ACP6: variants seen among roughly 807,000 people sequenced by gnomAD.
ACP6 encodes acid phosphatase 6, lysophosphatidic.
Under a neutral mutation model 48.1 loss-of-function variants are expected in ACP6, and 48 were observed. The ratio of observed to expected loss-of-function variants is 1.00; its 90% CI spans 0.79 to 1.27. The LOEUF is 1.27. Ranked by LOEUF, ACP6 falls within the 50% of genes most tolerant of loss-of-function variation. The probability of loss-of-function intolerance (pLI) is 0.00; values close to 1 mark genes in which losing one functional copy is unlikely to be tolerated. For missense variants in ACP6, 485 were observed against 529.1 expected, an observed-to-expected ratio of 0.92 and a Z score of 0.82; for synonymous variants, 172 against 204.2, an observed-to-expected ratio of 0.84 and a Z score of 1.34.
At chr1:147,651,928 T>C (rs772141334) in intron 7 of ACP6, 89 of 152,476 alleles carry the variant, frequency 5.8e-4, no homozygotes, top group Non-Finnish European at 1.1e-3. Context: ...CTGCTAGTAA[T>C]ATAGCGAAAA....
intron 1 of ACP6, among the ~76,000 whole-genome samples, chr1:147,667,157 G>T (rs1660836938): frequency 6.6e-6 from 1 of 152,016 alleles, no homozygotes; most frequent in African/African-American, 2.4e-5. Context: ...CAATCTTTTA[G>T]CAAAACAGGT....
intron 5 of ACP6, 70 bp downstream of exon 5, chr1:147,655,091 A>G (rs1553211346): frequency 1.5e-6 from 2 of 1,318,400 alleles, no homozygotes; most frequent in Non-Finnish European, 2.1e-6. Flanking sequence ...CTCAGTATAG[A>G]CAGAGTTCTG....
At chr1:147,656,082 A>G (rs1660243714) in intron 4 of ACP6, among the ~76,000 whole-genome samples, 1 of 152,168 alleles carries the variant, frequency 6.6e-6, no homozygotes, top group African/African-American at 2.4e-5. Flanking sequence ...CCAAAGGGGT[A>G]TTTATTCCCA....
At chr1:147,630,853 G>A (rs1321512812) in exon 6 of ACP6, 1 of 152,124 alleles carries the variant, frequency 6.6e-6, no homozygotes, top group African/African-American at 2.4e-5. Flanking sequence ...GTGAGTAGTC[G>A]AGCTATTGAA....
At chr1:147,647,617 C>T (rs782216548) in intron 9 of ACP6, 51 bp from the exon 10 acceptor site, 2 of 1,577,958 alleles carry the variant, frequency 1.3e-6, no homozygotes, top group East Asian at 4.5e-5. Context: ...TGTCCTTCTG[C>T]TATTTCCAGC....
downstream of ACP6, among the ~76,000 whole-genome samples, chr1:147,640,984 C>T (rs1358547158): frequency 6.6e-6 from 1 of 152,088 alleles, no homozygotes; most frequent in African/African-American, 2.4e-5. Context: ...ATTCCCCACC[C>T]AGCAGAAGAG....
chr1:147,667,728 C>G (rs1488807947), intron 1 of ACP6, among the ~76,000 whole-genome samples: 1 of 152,068 alleles, frequency 6.6e-6, no homozygotes, highest in Non-Finnish European at 1.5e-5. Context: ...TGCTGGCTCA[C>G]GCCTGTAATC....
chr1:147,648,048 G>T, intron 9 of ACP6, 198 bp downstream of exon 9: 1 of 617,100 alleles, frequency 1.6e-6, no homozygotes. Context: ...TAAGGCTCAA[G>T]CCCCATCCTG....
chr1:147,641,923 A>C (rs1385053581), downstream of ACP6, among the ~76,000 whole-genome samples: 1 of 152,180 alleles, frequency 6.6e-6, no homozygotes, highest in Non-Finnish European at 1.5e-5. Flanking sequence ...TGCGAAACCT[A>C]CCACAGTTAA....
rs140072353 is a variant in ACP6, at chr1:147,649,828, A to G, written c.977+315T>C. 827 of 378,592 alleles carry G rather than the reference A, an allele frequency of 2.2e-3. 8 individuals are homozygous for G. The highest frequency in any genetic ancestry group is 0.017 in the African/African-American group (770 of 46,388). The allele number at this position is 378,592 out of a possible 1,614,324, so 23.5% of individuals were successfully genotyped here. ...TTCAAACTACACAATCCATTAAGCA[A>G]TTTATCTTTGTTTTGGACTATTATC... On this transcript the variant is annotated intron_variant, in intron 8 of 9. Coordinates refer to ENST00000583509, the MANE Select transcript of ACP6 (RefSeq NM_016361.5).
chr1:147,664,998 G>A, intron 1 of ACP6, among the ~76,000 whole-genome samples: 1 of 152,214 alleles, frequency 6.6e-6, no homozygotes, highest in South Asian at 2.1e-4. Flanking sequence ...AGCAGAGATG[G>A]TAAAGAATGT....
rs587721697 is a variant in ACP6, at chr1:147,669,612, T to C, written c.219+218A>G. 2.3e-3 allele frequency among the ~76,000 whole-genome samples: 348 copies of C among 152,362 alleles called. 1 individual carries two copies. The highest frequency in any genetic ancestry group is 6.5e-3 in the Admixed American group (100 of 15,306). The stretch of plus-strand genomic sequence containing the variant: ...GCAGCGCTTACTGATGGCTGCGCCA[T>C]CAGGGCAAAACTGGAAGTTCCGGGG... On this transcript the variant is annotated intron_variant, in intron 1 of 9. Transcript: ENST00000583509.
chr1:147,641,084 C>T (rs1269314360), downstream of ACP6, among the ~76,000 whole-genome samples: 1 of 152,150 alleles, frequency 6.6e-6, no homozygotes, highest in African/African-American at 2.4e-5. Context: ...GGGTAGGTGC[C>T]CTTAGCCCAC....
intron 4 of ACP6, 83 bp downstream of exon 4, chr1:147,658,877 G>T: frequency 7.6e-7 from 1 of 1,311,948 alleles, no homozygotes; most frequent in Non-Finnish European, 1.1e-6. Context: ...AAGGGAACAG[G>T]CACCAAGAAA....
At chr1:147,664,321 C>T (rs1660693965) in intron 1 of ACP6, among the ~76,000 whole-genome samples, 1 of 152,210 alleles carries the variant, frequency 6.6e-6, no homozygotes, top group African/African-American at 2.4e-5. Flanking sequence ...CTTCCCTATT[C>T]TACATACTTA....
intron 1 of ACP6, 116 bp from the exon 2 acceptor site, chr1:147,659,891 C>A: frequency 8.0e-7 from 1 of 1,256,432 alleles, no homozygotes; most frequent in Non-Finnish European, 1.1e-6. Flanking sequence ...AGGCCTGCAA[C>A]CTTCCTATGG....
chr1:147,666,878 G>C (rs1457732679), intron 1 of ACP6, among the ~76,000 whole-genome samples: 2 of 152,168 alleles, frequency 1.3e-5, no homozygotes, highest in Non-Finnish European at 2.9e-5. Flanking sequence ...AGCAATAAAA[G>C]ATTCTTACAT....
At chr1:147,633,614 T>G (rs1553207658) in intron 5 of ACP6, among the ~76,000 whole-genome samples, 1 of 152,164 alleles carries the variant, frequency 6.6e-6, no homozygotes, top group African/African-American at 2.4e-5. Flanking sequence ...CTGTGTATTA[T>G]TTTGCTTATT....
chr1:147,654,823 T>C (rs1196953548), intron 5 of ACP6, among the ~76,000 whole-genome samples: 1 of 152,208 alleles, frequency 6.6e-6, no homozygotes, highest in Admixed American at 6.5e-5. Flanking sequence ...ATTTAACCTG[T>C]TGGTTTTCTC....
Sources: allele counts gnomAD v4.1 joint callset (sites outside exome capture counted in the v4.1 genomes callset), GRCh38; gene constraint gnomAD v4.1.1; transcripts MANE v1.5; gene names NCBI Gene and HGNC (gene_info 2026-07-23, HGNC 2026-07-21).